Variants in NCLN observed in about 807,000 individuals in gnomAD.
NCLN encodes nicalin.
A neutral mutation model predicts 69.5 loss-of-function variants in NCLN; 34 were observed. The observed-to-expected ratio is 0.49, with a 90% CI of 0.37 to 0.65. The LOEUF (loss-of-function observed/expected upper bound fraction) is 0.65. Among genes scored for constraint, NCLN ranks in the 30% least tolerant of loss-of-function variants. The pLI is 0.00. For missense variants in NCLN, 710 were observed against 804.8 expected (o/e 0.88, Z 1.42); for synonymous variants, 393 against 358.3 (o/e 1.10, Z -1.09).
At chr19:3,193,235 G>T in intron 2 of NCLN, 49 bp from the exon 3 acceptor site, 1 of 1,475,728 alleles carries the variant, frequency 6.8e-7, no homozygotes, top group Non-Finnish European at 8.9e-7. Context: ...CTGCTACCTT[G>T]CCACCCCCAC....
chr19:3,201,658 T>TGGGGGGG, intron 6 of NCLN, 32 bp downstream of exon 6: 3 of 1,222,800 alleles, frequency 2.5e-6, no homozygotes, highest in Non-Finnish European at 3.4e-6. Context: ...GGGATGGGGG[T>TGGGGGGG]GCGGGGGCCA....
chr19:3,206,050 GCC>G (rs1568315810), intron 10 of NCLN, 24 bp downstream of exon 10: 1 of 1,610,458 alleles, frequency 6.2e-7, no homozygotes, highest in South Asian at 1.1e-5. Flanking sequence ...CCTCTGTGCC[GCC>G]AGACCCAGCC....
chr19:3,207,456 A>G lies in NCLN; in HGVS notation c.1619A>G (p.Tyr540Cys), dbSNP rs1178793190. The G allele has an allele frequency of 5.6e-6, 9 of 1,612,834 alleles. No homozygotes were observed. Among genetic ancestry groups the G allele is most frequent in the Non-Finnish European group, 1.7e-6 (2 of 1,180,018 alleles). Residue 540 changes from tyrosine (Y) to cysteine (C), a missense_variant, in exon 14 of 15, where the codon TAC becomes TGC. Tyr to Cys is a radical substitution (Grantham distance 194). Transcript: ENST00000246117. ...ATTGCTGCCTACCTCGGCATGGCCT[A>G]CGTGGCTGTCCAGGTGAGCAGTGCC... Reference protein sequence around the residue: ...VGIAAYLGMAYVAVQHFSLLY... With the variant: ...VGIAAYLGMACVAVQHFSLLY...
intron 5 of NCLN, among the ~76,000 whole-genome samples, chr19:3,200,520 CA>C: frequency 6.6e-6 from 1 of 151,504 alleles, no homozygotes; most frequent in Non-Finnish European, 1.5e-5. Flanking sequence ...CCATGTTGGC[CA>C]GGATGGTCTT....
chr19:3,197,730 C>T (rs2144906813), intron 4 of NCLN, among the ~76,000 whole-genome samples: 1 of 151,880 alleles, frequency 6.6e-6, no homozygotes, highest in Non-Finnish European at 1.5e-5. Flanking sequence ...AAGCGATTCT[C>T]CTGCCTCAGC....
chr19:3,201,354 G>C (rs549509175), intron 5 of NCLN, among the ~76,000 whole-genome samples, 169 bp from the exon 6 acceptor site: 215 of 152,340 alleles, frequency 1.4e-3, no homozygotes, highest in African/African-American at 5.0e-3. Flanking sequence ...GTGGCAGAGG[G>C]GCTGGGGGAC....
rs1231970642 is a variant in NCLN, at chr19:3,209,554, A to G, written c.*1866A>G. ...GATGCAGCCGGCCGATGAGAAAATAAAGCCATATTGAATGATCGCCACCAG... is the reference window on the plus strand; with the variant it reads ...GATGCAGCCGGCCGATGAGAAAATAGAGCCATATTGAATGATCGCCACCAG... On this transcript the variant is annotated 3_prime_UTR_variant, in exon 15 of 15. Transcript: ENST00000246117. The G allele has an allele frequency of 6.6e-6, 1 of 152,276 alleles. No individual in the cohort carries two copies. The highest frequency in any genetic ancestry group is 1.5e-5 in the Non-Finnish European group (1 of 68,086). 9.4% of individuals were successfully genotyped at this position (152,276 alleles called of 1,614,324 possible).
intron 1 of NCLN, among the ~76,000 whole-genome samples, chr19:3,188,864 CT>C (rs1311323983): frequency 2.6e-5 from 4 of 152,242 alleles, no homozygotes; most frequent in African/African-American, 7.2e-5. Context: ...CAGCACACCC[CT>C]CTGTGTCACT....
chr19:3,192,604 G>A lies in NCLN; in HGVS notation c.319G>A (p.Ala107Thr), dbSNP rs762126495. Residue 107 changes from alanine (A) to threonine (T), a missense_variant, in exon 2 of 15, where the codon GCC becomes ACC. Physicochemically the swap from Ala to Thr is moderately conservative, Grantham distance 58. Coordinates refer to ENST00000246117, the MANE Select transcript of NCLN (RefSeq NM_020170.4). Reference protein sequence around the residue: ...YQKALRQSAGAVVIILPRAMA... With the variant: ...YQKALRQSAGTVVIILPRAMA... ...GAAGGCCCTGCGGCAGTCGGCGGGCGCCGTGGTCATCATCCTGCCCAGGGC... is the reference window on the plus strand; with the variant it reads ...GAAGGCCCTGCGGCAGTCGGCGGGCACCGTGGTCATCATCCTGCCCAGGGC... 2.5e-6 allele frequency: 4 copies of A among 1,603,574 alleles called. No homozygotes were observed. Among genetic ancestry groups the A allele is most frequent in the East Asian group, 2.3e-5 (1 of 44,378 alleles).
At chr19:3,191,682 T>A (rs555826967) in intron 1 of NCLN, among the ~76,000 whole-genome samples, 14 of 152,358 alleles carry the variant, frequency 9.2e-5, no homozygotes, top group African/African-American at 3.4e-4. Flanking sequence ...AGAGTTTTGT[T>A]GGCACACAGT....
In NCLN at chr19:3,204,066, C is replaced by T. The variant is rs770761452; in HGVS notation, c.951C>T (p.Gly317=). The change falls in exon 8 of 15, where the codon GGC becomes GGT. Residue 317 remains glycine (G), a synonymous_variant. Coordinates refer to ENST00000246117, the MANE Select transcript of NCLN (RefSeq NM_020170.4). ...FVLCLDTVGR[G]SSLHLHVSKP... ...TGTGCCTGGACACCGTGGGCCGGGG[C>T]AGCAGCCTGCACCTGCACGTGTCCA... 1.3e-5 allele frequency: 21 copies of T among 1,563,250 alleles called. No individual in the cohort carries two copies. Among genetic ancestry groups the T allele is most frequent in the Non-Finnish European group, 1.7e-5 (20 of 1,154,498 alleles).
chr19:3,194,201 G>A (rs986578444), intron 3 of NCLN, among the ~76,000 whole-genome samples: 2 of 152,168 alleles, frequency 1.3e-5, no homozygotes, highest in African/African-American at 4.8e-5. Flanking sequence ...CCAACCTGGC[G>A]AAAGCCTGTC....
intron 3 of NCLN, among the ~76,000 whole-genome samples, chr19:3,194,744 C>CTTTTTTTTTTTTTTTTTTTTTTTTTT (rs745406038): frequency 7.3e-6 from 1 of 136,490 alleles, no homozygotes; most frequent in African/African-American, 2.7e-5. Flanking sequence ...GAGTCGTCTT[C>CTTTTTTTTTTTTTTTTTTTTTTTTTT]TTTTTTTTTT....
Position 3,208,134 on chromosome 19 carries a change from TC to T in NCLN, c.*450del. 6.1e-6 allele frequency: 1 copy of T among 165,130 alleles called. No individual in the cohort carries two copies. The highest frequency in any genetic ancestry group is 1.3e-5 in the Non-Finnish European group (1 of 76,572). 10.2% of individuals were successfully genotyped at this position (165,130 alleles called of 1,614,324 possible). On this transcript the variant is annotated 3_prime_UTR_variant, in exon 15 of 15. Transcript: ENST00000246117. Reference sequence around the variant, plus strand: ...CCTGCTCCGTGTCTGTCCTAGGACGTCCCCTCCCGCTCCCCGATGGTGGCGT... The same window carrying T: ...CCTGCTCCGTGTCTGTCCTAGGACGTCCCTCCCGCTCCCCGATGGTGGCGT...
At chr19:3,207,277 A>T in intron 13 of NCLN, 26 bp downstream of exon 13, 6 of 1,613,470 alleles carry the variant, frequency 3.7e-6, no homozygotes, top group Non-Finnish European at 4.2e-6. Flanking sequence ...CGGGACCTGG[A>T]GCCCTTCACC....
chr19:3,187,556 AGAGTTAC>A (rs769992640), intron 1 of NCLN, among the ~76,000 whole-genome samples: 1 of 152,132 alleles, frequency 6.6e-6, no homozygotes, highest in Non-Finnish European at 1.5e-5. Context: ...ATTTTGCCCC[AGAGTTAC>A]GATTTTTTTA....
At chr19:3,204,884 C>T (rs1402795622) in intron 9 of NCLN, 133 bp downstream of exon 9, 39 of 1,008,538 alleles carry the variant, frequency 3.9e-5, no homozygotes, top group South Asian at 5.0e-5. Flanking sequence ...GGGGCCGGTG[C>T]GTGGCCAAGG....
rs369869443 is a variant in NCLN at position 3,207,864 on chromosome 19, G to T, written c.*176G>T. ...TTTTTCTGTTGCTCTCCGAGACTGG[G>T]GGGGGATTGTTTCTTCTTTTCCTTG... On this transcript the variant is annotated 3_prime_UTR_variant, in exon 15 of 15. Coordinates refer to ENST00000246117, the MANE Select transcript of NCLN (RefSeq NM_020170.4). 2 of 597,740 alleles carry T rather than the reference G, an allele frequency of 3.3e-6. No individual in the cohort carries two copies. Among genetic ancestry groups the T allele is most frequent in the Non-Finnish European group, 6.0e-6 (2 of 332,922 alleles). The allele number at this position is 597,740 out of a possible 1,614,324, so 37.0% of individuals were successfully genotyped here.
chr19:3,188,562 C>T (rs912572875), intron 1 of NCLN, among the ~76,000 whole-genome samples: 4 of 152,196 alleles, frequency 2.6e-5, no homozygotes, highest in Non-Finnish European at 4.4e-5. Flanking sequence ...GCAGTCCTTT[C>T]TCTCTTTCCT....
Sources: gnomAD v4.1 joint callset for allele counts (sites outside exome capture counted in the v4.1 genomes callset) on GRCh38, gnomAD v4.1.1 for gene constraint, MANE v1.5 for transcripts, NCBI Gene and HGNC (gene_info 2026-07-23, HGNC 2026-07-21) for gene names.